The following TYW1 variants were observed in gnomAD, a reference collection of about 807,000 sequenced individuals.
TYW1 encodes S-adenosyl-L-methionine-dependent tRNA 4-demethylwyosine synthase TYW1.
In TYW1, 46 loss-of-function variants were observed where a neutral mutation model predicts 96.2. The ratio of observed to expected loss-of-function variants is 0.48; its 90% CI spans 0.38 to 0.61. TYW1 has a LOEUF of 0.61. Ranked by LOEUF, TYW1 falls within the 20% of genes least tolerant of loss-of-function variation. TYW1 has a pLI of 0.00. For missense variants in TYW1, 684 were observed against 909.6 expected (o/e 0.75, Z 3.19); for synonymous variants, 274 against 323.0 (o/e 0.85, Z 1.63).
At chr7:67,062,566 C>CAAAAAAAAAAAAAAAAAAAA (rs56770876) in intron 9 of TYW1, among the ~76,000 whole-genome samples, 1 of 89,150 alleles carries the variant, frequency 1.1e-5, no homozygotes, top group Non-Finnish European at 2.2e-5. Context: ...GACTCCGTCT[C>CAAAAAAAAAAAAAAAAAAAA]AAAAAAAAAA....
At chr7:67,200,471 ACTCCTTATAAAACCATCGGAT>A (rs750215787) in intron 15 of TYW1, among the ~76,000 whole-genome samples, 184 of 152,066 alleles carry the variant, frequency 1.2e-3, no homozygotes, top group Non-Finnish European at 2.1e-3. Flanking sequence ...GAAAGAGGAA[ACTCCTTATAAAACCATCGGAT>A]CTCATGAGCC....
At chr7:67,102,232 T>C (rs1462226553) in intron 12 of TYW1, among the ~76,000 whole-genome samples, 1 of 152,196 alleles carries the variant, frequency 6.6e-6, no homozygotes, top group Non-Finnish European at 1.5e-5. Flanking sequence ...CCATCATGGA[T>C]TGAGGAAAAT....
chr7:67,197,380 C>T (rs13231052), intron 15 of TYW1, among the ~76,000 whole-genome samples: 2,376 of 149,808 alleles, frequency 0.016, 30 homozygotes, highest in Admixed American at 0.044. Context: ...GGCTGGAGTG[C>T]AGTGATGCAA....
intron 13 of TYW1, among the ~76,000 whole-genome samples, chr7:67,134,836 G>A (rs1798194172): frequency 6.8e-6 from 1 of 147,608 alleles, no homozygotes; most frequent in South Asian, 2.1e-4. Context: ...TTCAAGATGT[G>A]ATGGCTCATG....
chr7:67,061,014 G>C (rs1256985610), intron 9 of TYW1, among the ~76,000 whole-genome samples: 2 of 152,160 alleles, frequency 1.3e-5, no homozygotes, highest in African/African-American at 4.8e-5. Context: ...GATCACTTGA[G>C]GTCAGGAGTT....
At chr7:67,042,738 T>G (rs1270954428) in intron 7 of TYW1, among the ~76,000 whole-genome samples, 1 of 152,152 alleles carries the variant, frequency 6.6e-6, no homozygotes, top group Non-Finnish European at 1.5e-5. Flanking sequence ...GGCTTATGCC[T>G]GTAATCCCAG....
chr7:67,133,667 TGTGCCTGGC>T (rs1798160626), intron 13 of TYW1, among the ~76,000 whole-genome samples: 1 of 105,020 alleles, frequency 9.5e-6, no homozygotes, highest in Non-Finnish European at 2.0e-5. Context: ...TGTGAGCCAC[TGTGCCTGGC>T]CATTGTCAGG....
At chr7:67,085,490 T>C (rs1796519526) in intron 11 of TYW1, among the ~76,000 whole-genome samples, 1 of 152,178 alleles carries the variant, frequency 6.6e-6, no homozygotes, top group Admixed American at 6.5e-5. Flanking sequence ...GTAAATTTCC[T>C]GTGGCCTCCC....
chr7:67,080,679 G>A (rs1796356740), intron 10 of TYW1, among the ~76,000 whole-genome samples: 2 of 152,260 alleles, frequency 1.3e-5, no homozygotes, highest in South Asian at 2.1e-4. Context: ...GATTACAGGC[G>A]TGAGCCACCA....
At chr7:67,056,395 G>A (rs183686503) in intron 9 of TYW1, among the ~76,000 whole-genome samples, 1 of 152,034 alleles carries the variant, frequency 6.6e-6, no homozygotes, top group Non-Finnish European at 1.5e-5. Flanking sequence ...GGGAGGCTGA[G>A]GCAGGAGAAT....
chr7:67,110,128 T>C (rs1182204834), intron 12 of TYW1, among the ~76,000 whole-genome samples: 2 of 152,168 alleles, frequency 1.3e-5, no homozygotes, highest in African/African-American at 2.4e-5. Context: ...TTATAGACGA[T>C]TGTTTAGCTT....
chr7:67,116,738 T>C (rs1345252959), intron 12 of TYW1, among the ~76,000 whole-genome samples: 1 of 151,928 alleles, frequency 6.6e-6, no homozygotes, highest in Non-Finnish European at 1.5e-5. Flanking sequence ...ACTAGAAATC[T>C]AGTAGGTAGG....
intron 7 of TYW1, among the ~76,000 whole-genome samples, chr7:67,028,136 G>C (rs1794518890): frequency 6.6e-6 from 1 of 151,704 alleles, no homozygotes; most frequent in Non-Finnish European, 1.5e-5. Context: ...CTACTTGGGA[G>C]GCTAAGGCAC....
At chr7:67,171,163 T>C (rs1799502139) in intron 13 of TYW1, among the ~76,000 whole-genome samples, 1 of 152,120 alleles carries the variant, frequency 6.6e-6, no homozygotes, top group Non-Finnish European at 1.5e-5. Flanking sequence ...TAATTTAGGT[T>C]ATCCACTTTT....
chr7:67,229,701 C>T (rs1481229320), intron 15 of TYW1, among the ~76,000 whole-genome samples: 1 of 152,076 alleles, frequency 6.6e-6, no homozygotes, highest in African/African-American at 2.4e-5. Context: ...CACATGTATT[C>T]CCAGCATTTT....
chr7:67,211,401 T>C (rs975552006), intron 15 of TYW1, among the ~76,000 whole-genome samples: 1 of 152,184 alleles, frequency 6.6e-6, no homozygotes, highest in African/African-American at 2.4e-5. Context: ...TGACTTATTA[T>C]GGGTTTATCA....
chr7:67,106,864 T>C (rs527256110), intron 12 of TYW1, among the ~76,000 whole-genome samples: 1 of 152,340 alleles, frequency 6.6e-6, no homozygotes, highest in African/African-American at 2.4e-5. Context: ...AGCATTTCAC[T>C]ATGACATGAT....
At chr7:67,128,675 T>G (rs563195049) in intron 13 of TYW1, among the ~76,000 whole-genome samples, 17 of 149,336 alleles carry the variant, frequency 1.1e-4, no homozygotes, top group African/African-American at 4.3e-4. Context: ...TGTAGTCTTA[T>G]GATTAGGTCT....
intron 5 of TYW1, among the ~76,000 whole-genome samples, chr7:67,016,948 T>G (rs1220280945): frequency 6.6e-6 from 1 of 151,846 alleles, no homozygotes; most frequent in African/African-American, 2.4e-5. Flanking sequence ...TCAAATAAAT[T>G]AGACTATGAT....
Sources: gnomAD v4.1 joint callset for allele counts (sites outside exome capture counted in the v4.1 genomes callset) on GRCh38, gnomAD v4.1.1 for gene constraint, MANE v1.5 for transcripts, NCBI Gene and HGNC (gene_info 2026-07-23, HGNC 2026-07-21) for gene names.